Variants in PRRC2B observed in about 807,000 individuals in gnomAD.
PRRC2B encodes proline rich coiled-coil 2B, also known as protein PRRC2B.
Under a neutral mutation model 242.3 loss-of-function variants are expected in PRRC2B, and 68 were observed. The observed-to-expected ratio is 0.28, with a 90% CI of 0.23 to 0.34. The LOEUF (loss-of-function observed/expected upper bound fraction) is 0.34, where lower values mean the gene tolerates loss of function less well. Ranked by LOEUF, PRRC2B falls within the 10% of genes least tolerant of loss-of-function variation. The probability of loss-of-function intolerance (pLI) is 1.00; values close to 1 mark genes in which losing one functional copy is unlikely to be tolerated. For synonymous variants in PRRC2B, 1,228 were observed against 1,173.6 expected (o/e 1.05, Z -0.95); for missense variants, 2,835 against 2,954.8 (o/e 0.96, Z 0.94).
At chr9:131,411,891 G>A (rs1837517279) in intron 1 of PRRC2B, among the ~76,000 whole-genome samples, 2 of 152,048 alleles carry the variant, frequency 1.3e-5, no homozygotes, top group East Asian at 3.9e-4. Context: ...ACGGCTTACT[G>A]CAACCCCAAA....
At chr9:131,491,189 T>A in intron 28 of PRRC2B, 1 of 469,384 alleles carries the variant, frequency 2.1e-6, no homozygotes, top group Non-Finnish European at 3.7e-6. Context: ...TTGCCCGTTT[T>A]CTCACCACCT....
intron 1 of PRRC2B, among the ~76,000 whole-genome samples, chr9:131,420,501 T>TTCTGTC (rs1588242598): frequency 5.3e-5 from 1 of 19,022 alleles, no homozygotes; most frequent in South Asian, 2.1e-3. Context: ...TTCTTTTTTT[T>TTCTGTC]TTTTTTTTTG....
chr9:131,485,336 A>C (rs573959470), intron 25 of PRRC2B, among the ~76,000 whole-genome samples, 196 bp downstream of exon 25: 1 of 152,340 alleles, frequency 6.6e-6, no homozygotes, highest in South Asian at 2.1e-4. Context: ...ACGCTGGGAA[A>C]CAGAACTGGG....
intron 1 of PRRC2B, among the ~76,000 whole-genome samples, chr9:131,384,688 G>A (rs1039292718): frequency 1.3e-5 from 2 of 152,130 alleles, no homozygotes; most frequent in Non-Finnish European, 2.9e-5. Context: ...AAAGTGCTGG[G>A]ATTACAGGCG....
chr9:131,470,728 G>A lies in PRRC2B; in HGVS notation c.1912-60G>A, dbSNP rs1049025142. On this transcript the variant is annotated intron_variant, in intron 13 of 31. Transcript: ENST00000683519. Reference sequence around the variant, plus strand: ...TGGAAAGCTGGAAGGGCGTGTGTTGGGTGGCATCTCTGTCCCTGGCCGCAC... The same window carrying A: ...TGGAAAGCTGGAAGGGCGTGTGTTGAGTGGCATCTCTGTCCCTGGCCGCAC... 3.9e-5 allele frequency: 55 copies of A among 1,409,234 alleles called. 1 individual carries two copies. In the African/African-American group the frequency reaches 7.4e-4, roughly 19 times the overall value. The allele number at this position is 1,409,234 out of a possible 1,614,324, so 87.3% of individuals were successfully genotyped here. A position where few individuals can be genotyped will look rare whatever the true frequency, so the allele number is the denominator to read the frequency against.
intron 10 of PRRC2B, among the ~76,000 whole-genome samples, chr9:131,456,580 G>A (rs558601753): frequency 1.3e-5 from 2 of 151,814 alleles, no homozygotes; most frequent in South Asian, 2.1e-4. Context: ...GCAGTGAGCC[G>A]AGATCACGCC....
chr9:131,406,628 A>G (rs915279185), intron 1 of PRRC2B, among the ~76,000 whole-genome samples: 4 of 152,152 alleles, frequency 2.6e-5, no homozygotes, highest in African/African-American at 7.2e-5. Context: ...CCCCAAATGG[A>G]TACGGAACCT....
intron 29 of PRRC2B, 114 bp downstream of exon 29, chr9:131,491,694 A>G: frequency 9.8e-7 from 1 of 1,016,942 alleles, no homozygotes; most frequent in Non-Finnish European, 1.4e-6. Flanking sequence ...TGGGACTGCC[A>G]GGGCAGAAAG....
rs1163579618 is a variant in PRRC2B, at chr9:131,478,539, G to C, written c.4678G>C (p.Glu1560Gln). 2 of 1,609,546 alleles carry C rather than the reference G, an allele frequency of 1.2e-6. No individual in the cohort carries two copies. Among genetic ancestry groups the C allele is most frequent in the Admixed American group, 1.7e-5 (1 of 59,812 alleles). The change falls in exon 18 of 32, where the codon GAA becomes CAA. Residue 1560 changes from glutamate to glutamine, a missense_variant. By Grantham distance (29) the Glu-to-Gln change is conservative. Coordinates refer to ENST00000683519, the MANE Select transcript of PRRC2B (RefSeq NM_013318.4). ...GAGTGAGGTGGGTTCTATGGTGGGC[G>C]AAGGCTTCATCGAAGTCCTGACCAA... is the stretch of plus-strand genomic sequence containing the variant. ...EESEVGSMVG[E>Q]GFIEVLTKKQ...
chr9:131,459,969 C>T (rs1943194936), intron 11 of PRRC2B, among the ~76,000 whole-genome samples: 1 of 25,532 alleles, frequency 3.9e-5, no homozygotes. Flanking sequence ...AACCCTATCT[C>T]CAAAAAAAAA....
At position 131,500,069 on chromosome 9, in the gene PRRC2B, C is replaced by T. The variant is rs947574227; in HGVS notation, c.*4195C>T. ...CGTGGATTCACCAGGCCGGTGCTGG[C>T]ACACTCACCCTCGCCCTTTCCCTCC... On this transcript the variant is annotated 3_prime_UTR_variant, in exon 32 of 32. Transcript: ENST00000683519. The T allele has an allele frequency of 1.3e-5, 2 of 152,220 alleles. No homozygotes were observed. The highest frequency in any genetic ancestry group is 4.8e-5 in the African/African-American group (2 of 41,458). The allele number at this position is 152,220 out of a possible 1,614,324, so 9.4% of individuals were successfully genotyped here.
intron 1 of PRRC2B, among the ~76,000 whole-genome samples, chr9:131,426,823 C>T (rs1216650349): frequency 1.3e-5 from 2 of 152,222 alleles, no homozygotes; most frequent in African/African-American, 2.4e-5. Flanking sequence ...CATCCTTGGG[C>T]TTGGCCACTG....
intron 13 of PRRC2B, among the ~76,000 whole-genome samples, chr9:131,469,470 G>T (rs1275113032): frequency 2.0e-5 from 3 of 152,220 alleles, no homozygotes; most frequent in African/African-American, 7.2e-5. Flanking sequence ...AGCCTTCTCT[G>T]TGGACTGGGA....
intron 1 of PRRC2B, among the ~76,000 whole-genome samples, chr9:131,404,276 A>G (rs554293372): frequency 6.6e-6 from 1 of 150,520 alleles, no homozygotes; most frequent in African/African-American, 2.4e-5. Flanking sequence ...CAGGAAGGCA[A>G]TGGCGTGATC....
chr9:131,483,337 G>T, intron 22 of PRRC2B, 22 bp from the exon 23 acceptor site: 1 of 1,610,294 alleles, frequency 6.2e-7, no homozygotes. Context: ...AGTGGGCTGT[G>T]TGGCCTTTTT....
intron 1 of PRRC2B, among the ~76,000 whole-genome samples, chr9:131,394,901 C>G: frequency 6.6e-6 from 1 of 151,246 alleles, no homozygotes; most frequent in Non-Finnish European, 1.5e-5. Context: ...GCTGAATGCT[C>G]CATGCTAAAA....
intron 13 of PRRC2B, among the ~76,000 whole-genome samples, chr9:131,470,269 G>A (rs921489416): frequency 1.3e-5 from 2 of 152,220 alleles, no homozygotes; most frequent in South Asian, 2.1e-4. Context: ...GGTGGAGAGC[G>A]GTGGAGAACC....
At chr9:131,416,813 G>A (rs1439353845) in intron 1 of PRRC2B, among the ~76,000 whole-genome samples, 1 of 151,968 alleles carries the variant, frequency 6.6e-6, no homozygotes, top group African/African-American at 2.4e-5. Flanking sequence ...TATGGGGTTT[G>A]GGCTATAACA....
intron 1 of PRRC2B, among the ~76,000 whole-genome samples, chr9:131,396,325 C>CTTTTTTTTTTTTTTTTTTT (rs1165485887): frequency 6.0e-5 from 8 of 132,952 alleles, no homozygotes; most frequent in Non-Finnish European, 1.1e-4. Flanking sequence ...CTTTTCTTTT[C>CTTTTTTTTTTTTTTTTTTT]TTTTTTTTTT....
Sources: allele counts gnomAD v4.1 joint callset (sites outside exome capture counted in the v4.1 genomes callset), GRCh38; gene constraint gnomAD v4.1.1; transcripts MANE v1.5; gene names NCBI Gene and HGNC (gene_info 2026-07-23, HGNC 2026-07-21).